SGCD: variants seen among roughly 807,000 people sequenced by gnomAD.
SGCD encodes sarcoglycan delta, also known as delta-sarcoglycan.
In SGCD, 18 loss-of-function variants were observed where a neutral mutation model predicts 36.6. That is an observed-to-expected ratio of 0.49 (90% CI 0.34 to 0.73). SGCD has a LOEUF of 0.73. Among genes scored for constraint, SGCD ranks in the 30% least tolerant of loss-of-function variants. The pLI, the probability that SGCD is intolerant of heterozygous loss-of-function variation, is 0.01. For synonymous variants in SGCD, 133 were observed against 130.6 expected, an observed-to-expected ratio of 1.02 and a Z score of -0.12; for missense variants, 387 against 346.7, an observed-to-expected ratio of 1.12 and a Z score of -0.92.
intron 7 of SGCD, among the ~76,000 whole-genome samples, chr5:156,672,329 A>G (rs1006528685): frequency 1.3e-5 from 2 of 152,198 alleles, no homozygotes; most frequent in Non-Finnish European, 2.9e-5. Context: ...GTTAACCTCA[A>G]GTCTTAAACA....
intron 3 of SGCD, among the ~76,000 whole-genome samples, chr5:156,231,455 G>C (rs1375187976): frequency 6.6e-6 from 1 of 152,138 alleles, no homozygotes; most frequent in Non-Finnish European, 1.5e-5. Context: ...AGAATCGCTT[G>C]ATCCTGGAAG....
the SGCD span, among the ~76,000 whole-genome samples, chr5:155,753,052 T>C: frequency 1.3e-5 from 2 of 152,032 alleles, no homozygotes; most frequent in African/African-American, 4.8e-5. Context: ...GAAGAAATGA[T>C]CTCGGCCGGG....
intron 3 of SGCD, among the ~76,000 whole-genome samples, chr5:156,392,414 C>T (rs1328708315): frequency 6.6e-6 from 1 of 152,180 alleles, no homozygotes; most frequent in Non-Finnish European, 1.5e-5. Flanking sequence ...CTTGCTTCTT[C>T]AGTGTGCACT....
rs188592505 is a variant in SGCD at position 156,272,955 on chromosome 5, G to T, written c.-43-56579G>T. ...GATGGCATGGCTCACAAAGCCAAAC[G>T]CCTTTACTATCTGGCCTGTTACAGA... On this transcript the variant is annotated intron_variant, in intron 3 of 9. Coordinates refer to the SGCD transcript ENST00000517913. Among the ~76,000 whole-genome samples, 446 of 152,314 alleles carry T rather than the reference G, an allele frequency of 2.9e-3. 10 individuals are homozygous for T. The South Asian group carries it at 0.036, about 12-fold the overall frequency.
intron 1 of SGCD, among the ~76,000 whole-genome samples, chr5:155,979,894 A>G (rs1453259794): frequency 6.6e-6 from 1 of 152,304 alleles, no homozygotes; most frequent in East Asian, 1.9e-4. Flanking sequence ...TGTCCTCTCC[A>G]CATTCATATG....
the SGCD span, among the ~76,000 whole-genome samples, chr5:155,770,549 T>A: frequency 6.6e-6 from 1 of 152,250 alleles, no homozygotes; most frequent in Admixed American, 6.5e-5. Context: ...GCCTTAAAAG[T>A]TAGGAATTAA....
chr5:156,532,502 C>T (rs1321667825), intron 4 of SGCD, among the ~76,000 whole-genome samples: 3 of 151,974 alleles, frequency 2.0e-5, no homozygotes, highest in Admixed American at 2.0e-4. Flanking sequence ...GCTGTGTCAC[C>T]CAGGCTGGAG....
chr5:156,177,823 A>G (rs1305695780), intron 3 of SGCD, among the ~76,000 whole-genome samples: 1 of 152,170 alleles, frequency 6.6e-6, no homozygotes, highest in Non-Finnish European at 1.5e-5. Flanking sequence ...AAAAATACCC[A>G]ATATTTGTTT....
At position 156,680,530 on chromosome 5, in the gene SGCD, G is replaced by A. The variant is rs561086437; in HGVS notation, c.575+32994G>A. On this transcript the variant is annotated intron_variant, in intron 7 of 8. Transcript: ENST00000337851. ...GAAATGCACTCACTGGGTTTTGGAA[G>A]GCTTGTCAGAATTTTTAGAGTCCTG... Among the ~76,000 whole-genome samples, 11 of 152,240 alleles carry A rather than the reference G, an allele frequency of 7.2e-5. No homozygotes were observed. In the South Asian group the frequency reaches 1.2e-3, roughly 17 times the overall value.
intron 3 of SGCD, among the ~76,000 whole-genome samples, chr5:156,243,651 T>C (rs1167522709): frequency 1.3e-5 from 2 of 152,190 alleles, no homozygotes; most frequent in Non-Finnish European, 2.9e-5. Flanking sequence ...CACTCAAATA[T>C]TGATTTCTAT....
At chr5:156,506,807 G>T (rs1433896310) in intron 3 of SGCD, among the ~76,000 whole-genome samples, 1 of 152,208 alleles carries the variant, frequency 6.6e-6, no homozygotes, top group African/African-American at 2.4e-5. Context: ...AACAATAAAG[G>T]AGGGAAAATC....
In SGCD at chr5:156,158,335, C is replaced by T. The variant is rs537590169; in HGVS notation, c.-44+34316C>T. Among the ~76,000 whole-genome samples, 19 of 151,684 alleles carry T rather than the reference C, an allele frequency of 1.3e-4. 1 individual carries two copies. The highest frequency in any genetic ancestry group is 4.4e-4 in the African/African-American group (18 of 41,022). Reference sequence around the variant, plus strand: ...AGAGAATAACTTTTTTCTGTGAAGTCAAATCAGCCAGAGAAAAAAGTTTCT... The same window carrying T: ...AGAGAATAACTTTTTTCTGTGAAGTTAAATCAGCCAGAGAAAAAAGTTTCT... On this transcript the variant is annotated intron_variant, in intron 3 of 9. Coordinates refer to the SGCD transcript ENST00000517913.
chr5:155,743,961 T>G, the SGCD span, among the ~76,000 whole-genome samples: 1 of 152,178 alleles, frequency 6.6e-6, no homozygotes, highest in African/African-American at 2.4e-5. Context: ...GTAGCTTTCT[T>G]TGGCTTCCAA....
chr5:156,194,124 C>T (rs1763963354), intron 3 of SGCD, among the ~76,000 whole-genome samples: 1 of 152,046 alleles, frequency 6.6e-6, no homozygotes, highest in Non-Finnish European at 1.5e-5. Context: ...GCCTGTAATC[C>T]CAGCACTTTG....
At chr5:156,465,089 G>C (rs1040354005) in intron 3 of SGCD, among the ~76,000 whole-genome samples, 33 of 152,062 alleles carry the variant, frequency 2.2e-4, no homozygotes, top group Non-Finnish European at 2.1e-4. Context: ...CTGTACCCAG[G>C]GGCGTGTATG....
At chr5:156,537,263 G>A (rs1758155126) in intron 4 of SGCD, among the ~76,000 whole-genome samples, 1 of 152,074 alleles carries the variant, frequency 6.6e-6, no homozygotes, top group Non-Finnish European at 1.5e-5. Context: ...TGTGAAAAAT[G>A]ATCATCCATC....
intron 6 of SGCD, among the ~76,000 whole-genome samples, chr5:156,644,949 T>C (rs1161653653): frequency 6.6e-6 from 1 of 151,924 alleles, no homozygotes; most frequent in African/African-American, 2.4e-5. Context: ...TTTTACAAGT[T>C]TACTCCCTAC....
At chr5:156,163,817 G>A (rs549173790) in intron 3 of SGCD, among the ~76,000 whole-genome samples, 105 of 151,216 alleles carry the variant, frequency 6.9e-4, no homozygotes, top group Non-Finnish European at 1.1e-3. Flanking sequence ...TCAGGAGATC[G>A]AGACCATCCT....
intron 1 of SGCD, among the ~76,000 whole-genome samples, chr5:155,962,496 C>T (rs1757811733): frequency 1.3e-5 from 2 of 152,090 alleles, no homozygotes. Flanking sequence ...ACTCCTTCTC[C>T]TATGAGTCCT....
Sources: allele counts gnomAD v4.1 joint callset (sites outside exome capture counted in the v4.1 genomes callset), GRCh38; gene constraint gnomAD v4.1.1; transcripts MANE v1.5; gene names NCBI Gene and HGNC (gene_info 2026-07-23, HGNC 2026-07-21).